PCDH15: variants seen among roughly 807,000 people sequenced by gnomAD.
PCDH15 encodes protocadherin-15.
Under a neutral mutation model 178.5 loss-of-function variants are expected in PCDH15, and 129 were observed. The observed-to-expected ratio is 0.72, with a 90% CI of 0.63 to 0.84. The LOEUF is 0.84. Ranked by LOEUF, PCDH15 falls within the 40% of genes least tolerant of loss-of-function variation. PCDH15 has a pLI of 0.00. For synonymous variants in PCDH15, 800 were observed against 732.0 expected (o/e 1.09, Z -1.50); for missense variants, 2,230 against 2,099.9 (o/e 1.06, Z -1.21).
chr10:54,288,673 T>C (rs1191483377), intron 8 of PCDH15, among the ~76,000 whole-genome samples: 1 of 152,212 alleles, frequency 6.6e-6, no homozygotes, highest in Admixed American at 6.5e-5. Flanking sequence ...TACTGTGCTT[T>C]TCCCAAGGTC....
intron 1 of PCDH15, among the ~76,000 whole-genome samples, chr10:54,756,376 T>A (rs1040717669): frequency 6.6e-6 from 1 of 152,166 alleles, no homozygotes; most frequent in Non-Finnish European, 1.5e-5. Flanking sequence ...TAAGAGCCCA[T>A]CAGTCATTTT....
At chr10:55,432,114 C>CACACACACACACACACCA (rs71014487) in intron 2 of PCDH15, among the ~76,000 whole-genome samples, 1 of 146,990 alleles carries the variant, frequency 6.8e-6, no homozygotes, top group African/African-American at 2.6e-5. Flanking sequence ...CACACACACA[C>CACACACACACACACACCA]CACAAGTCTC....
At chr10:53,889,879 A>T (rs2133462736) in intron 26 of PCDH15, among the ~76,000 whole-genome samples, 1 of 152,316 alleles carries the variant, frequency 6.6e-6, no homozygotes, top group East Asian at 1.9e-4. Context: ...GAATCTAAAC[A>T]AAAAATACAA....
intron 1 of PCDH15, among the ~76,000 whole-genome samples, chr10:55,175,713 G>GT (rs1839467152): frequency 6.7e-6 from 1 of 149,338 alleles, no homozygotes; most frequent in Non-Finnish European, 1.5e-5. Flanking sequence ...AAAAGAAAAA[G>GT]AAAAGAAAAG....
rs143276622 is a variant in PCDH15 at position 53,814,238 on chromosome 10, A to G, written c.4491+2001T>C. Among the ~76,000 whole-genome samples the G allele has an allele frequency of 5.3e-3, 809 of 152,308 alleles. 9 individuals carry two copies. Among genetic ancestry groups the G allele is most frequent in the African/African-American group, 0.018 (766 of 41,570 alleles). On this transcript the variant is annotated intron_variant, in intron 35 of 37. Transcript: ENST00000644397. ...TTAAATACATACAGATACTGAGAAA[A>G]TAACTTCAAACAGTTTTGAAGTAGA...
At chr10:53,923,163 G>A (rs1319357680) in intron 25 of PCDH15, among the ~76,000 whole-genome samples, 1 of 152,220 alleles carries the variant, frequency 6.6e-6, no homozygotes, top group Non-Finnish European at 1.5e-5. Flanking sequence ...AGCATATGCT[G>A]TAAGTAAATA....
intron 2 of PCDH15, among the ~76,000 whole-genome samples, chr10:54,573,240 T>C (rs991493928): frequency 3.9e-5 from 6 of 152,262 alleles, no homozygotes; most frequent in Admixed American, 3.9e-4. Context: ...TACAATACCA[T>C]AGCATTAGTT....
intron 2 of PCDH15, among the ~76,000 whole-genome samples, chr10:55,605,349 C>A (rs1843190769): frequency 6.6e-6 from 1 of 151,928 alleles, no homozygotes; most frequent in African/African-American, 2.4e-5. Flanking sequence ...CCTTCTGAAA[C>A]TATTCCAATC....
intron 3 of PCDH15, among the ~76,000 whole-genome samples, chr10:54,471,781 T>C (rs932759609): frequency 6.6e-6 from 1 of 152,036 alleles, no homozygotes; most frequent in Admixed American, 6.6e-5. Flanking sequence ...AATATTTCCC[T>C]AGGTCAGAAA....
chr10:54,724,753 T>C (rs548178130), intron 1 of PCDH15, among the ~76,000 whole-genome samples: 1 of 151,326 alleles, frequency 6.6e-6, no homozygotes, highest in Non-Finnish European at 1.5e-5. Flanking sequence ...TATATACATA[T>C]AGGTTTCTTA....
At position 54,550,488 on chromosome 10, in the gene PCDH15, CTGTG is replaced by C. The variant is rs71010384; in HGVS notation, c.92-22615_92-22612del. ...TGCCCCTGTGCCTTAGTGTATGTGT[CTGTG>C]TGTGTGTGTGTGTGTGTCACATGTG... On this transcript the variant is annotated intron_variant, in intron 2 of 37. Coordinates refer to ENST00000644397, the MANE Select transcript of PCDH15 (RefSeq NM_001384140.1). 3.9e-3 allele frequency among the ~76,000 whole-genome samples: 593 copies of C among 150,846 alleles called. 3 individuals carry two copies. Among genetic ancestry groups the C allele is most frequent in the African/African-American group, 0.013 (545 of 41,236 alleles).
At chr10:54,818,760 C>G (rs1952988771) in intron 3 of PCDH15, among the ~76,000 whole-genome samples, 1 of 151,860 alleles carries the variant, frequency 6.6e-6, no homozygotes, top group Admixed American at 6.6e-5. Flanking sequence ...ATTAGAGACC[C>G]TATGAAAGAA....
chr10:55,382,807 C>T (rs927002553), intron 2 of PCDH15, among the ~76,000 whole-genome samples: 16 of 152,118 alleles, frequency 1.1e-4, no homozygotes, highest in African/African-American at 9.7e-5. Context: ...GTTTGTGGCT[C>T]GCCTACTTGG....
intron 1 of PCDH15, among the ~76,000 whole-genome samples, chr10:55,252,422 T>A (rs1841862513): frequency 6.6e-6 from 1 of 152,120 alleles, no homozygotes; most frequent in South Asian, 2.1e-4. Context: ...CACTTACTCT[T>A]CCTTTTTAAA....
chr10:54,964,161 C>T (rs760960037), intron 2 of PCDH15, among the ~76,000 whole-genome samples: 1 of 152,060 alleles, frequency 6.6e-6, no homozygotes, highest in East Asian at 1.9e-4. Context: ...GGTTGGTTTC[C>T]TAAGAAAAGA....
At chr10:54,199,567 CAACAATAATAATAAT>C (rs914911937) in intron 10 of PCDH15, among the ~76,000 whole-genome samples, 1 of 89,580 alleles carries the variant, frequency 1.1e-5, no homozygotes, top group African/African-American at 3.2e-5. Context: ...ACAACAACAA[CAACAATAATAATAAT>C]AATAATAATA....
At chr10:54,808,290 CT>C (rs1450732599) in intron 3 of PCDH15, among the ~76,000 whole-genome samples, 1 of 152,214 alleles carries the variant, frequency 6.6e-6, no homozygotes, top group Admixed American at 6.5e-5. Flanking sequence ...CAAAAGCAGC[CT>C]TAGACAAGGT....
At chr10:55,602,787 A>G (rs572240628) in intron 2 of PCDH15, among the ~76,000 whole-genome samples, 110 of 152,314 alleles carry the variant, frequency 7.2e-4, no homozygotes, top group African/African-American at 2.5e-3. Context: ...AAAGATGGGG[A>G]AAAAACAGAA....
intron 25 of PCDH15, among the ~76,000 whole-genome samples, chr10:53,910,029 G>T (rs773049654): frequency 2.0e-5 from 3 of 152,156 alleles, no homozygotes; most frequent in East Asian, 3.9e-4. Context: ...GGAGCCCACC[G>T]CAGCTCAACA....
Sources: allele counts gnomAD v4.1 joint callset (sites outside exome capture counted in the v4.1 genomes callset), GRCh38; gene constraint gnomAD v4.1.1; transcripts MANE v1.5; gene names NCBI Gene and HGNC (gene_info 2026-07-23, HGNC 2026-07-21).